The following MCRIP2 variants were observed in gnomAD, a reference collection of about 807,000 sequenced individuals.
The protein encoded by MCRIP2 is MAPK regulated corepressor interacting protein 2.
A neutral mutation model predicts 23.2 loss-of-function variants in MCRIP2; 21 were observed. The ratio of observed to expected loss-of-function variants is 0.90; its 90% CI spans 0.64 to 1.30. The LOEUF (loss-of-function observed/expected upper bound fraction) is 1.30. Among genes scored for constraint, MCRIP2 ranks in the 50% most tolerant of loss-of-function variants. The pLI is 0.00. For synonymous variants in MCRIP2, 121 were observed against 100.2 expected, an observed-to-expected ratio of 1.21 and a Z score of -1.24; for missense variants, 234 against 223.2, an observed-to-expected ratio of 1.05 and a Z score of -0.31.
Position 647,814 on chromosome 16 carries a change from T to G in MCRIP2, c.342T>G (p.Gly114=), listed in dbSNP as rs955870053. 1.3e-6 allele frequency: 2 copies of G among 1,575,852 alleles called. No individual in the cohort carries two copies. The highest frequency in any genetic ancestry group is 1.7e-6 in the Non-Finnish European group (2 of 1,161,594). Residue 114 remains glycine (G), a synonymous_variant, in exon 4 of 5, where the codon GGT becomes GGG. Coordinates refer to ENST00000307650, the MANE Select transcript of MCRIP2 (RefSeq NM_138418.4). ...AGCAGGTGCAACAGCAGCTGGATGG[T>G]GGCCCAGCCGGTGAGGGCGGGCCAA... ...AWQQVQQQLD[G]GPAGEGGPRP... is the part of the protein sequence containing the mutation.
chr16:642,030 G>A lies in MCRIP2; in HGVS notation c.39G>A (p.Ala13=), dbSNP rs2037353493. The part of the protein sequence containing the change: ...TITKGPSKLV[A]QRRTGPTQQQ... ...CCAAGGGGCCCAGCAAGCTGGTCGC[G>A]CAGCGCCGCACAGGTGCGCACGGGC... Residue 13 remains alanine (A), a synonymous_variant, in exon 1 of 5, where the codon GCG becomes GCA. Transcript: ENST00000307650. 8.3e-6 allele frequency: 11 copies of A among 1,322,934 alleles called. No individual in the cohort carries two copies. In the African/African-American group the frequency reaches 9.3e-5, roughly 11 times the overall value. 81.9% of individuals were successfully genotyped at this position (1,322,934 alleles called of 1,614,324 possible).
chr16:643,260 C>T (rs546667629), intron 2 of MCRIP2: 1 of 152,376 alleles, frequency 6.6e-6, no homozygotes, highest in East Asian at 1.9e-4. Context: ...TCCTCGTGGC[C>T]GCTCTACTTC....
chr16:642,208 G>T lies in MCRIP2; in HGVS notation c.141G>T (p.Ala47=). 1.5e-6 allele frequency: 2 copies of T among 1,293,508 alleles called. No homozygotes were observed. The highest frequency in any genetic ancestry group is 9.8e-7 in the Non-Finnish European group (1 of 1,020,178). The allele number at this position is 1,293,508 out of a possible 1,614,324, so 80.1% of individuals were successfully genotyped here. A position where few individuals can be genotyped will look rare whatever the true frequency, so the allele number is the denominator to read the frequency against. The change falls in exon 2 of 5, where the codon GCG becomes GCT. Residue 47 remains alanine (A), a synonymous_variant. Transcript: ENST00000307650. The part of the protein sequence containing the change: ...PAPPTSQPPR[A]QPFAQPPGPW... The stretch of plus-strand genomic sequence containing the variant: ...CGCCGACCTCGCAGCCCCCGCGGGC[G>T]CAGCCCTTTGCGCAGCCGCCGGGAC...
chr16:648,381 T>G lies in MCRIP2; in HGVS notation c.*191T>G, dbSNP rs2037563604. 6.2e-6 allele frequency: 4 copies of G among 640,492 alleles called. No individual in the cohort carries two copies. Among genetic ancestry groups the G allele is most frequent in the Non-Finnish European group, 8.3e-6 (3 of 360,498 alleles). 39.7% of individuals were successfully genotyped at this position (640,492 alleles called of 1,614,324 possible). On this transcript the variant is annotated 3_prime_UTR_variant, in exon 5 of 5. Transcript: ENST00000307650. ...GCCATGGCCAAGGGCCGAACCCGTC[T>G]GACCTCAGCCCTGCTCACTGTGCCC...
At chr16:644,026 A>G (rs2037415312) in intron 2 of MCRIP2, among the ~76,000 whole-genome samples, 1 of 150,976 alleles carries the variant, frequency 6.6e-6, no homozygotes, top group South Asian at 2.1e-4. Context: ...CAGCAGTGGG[A>G]TCTCTGCATG....
intron 2 of MCRIP2, among the ~76,000 whole-genome samples, chr16:644,829 C>T (rs942573426): frequency 6.6e-5 from 10 of 152,132 alleles, no homozygotes; most frequent in African/African-American, 2.2e-4. Context: ...GGTCCCTGCA[C>T]ATCTCCTGGT....
chr16:643,827 C>T lies in MCRIP2; in HGVS notation c.182+1578C>T, dbSNP rs545892621. On this transcript the variant is annotated intron_variant, in intron 2 of 4. Transcript: ENST00000307650. ...GATTACAAGTGTGAGCTACCGCGCCCGGCCTGTTTTCTTAAAGTCCCCATG... is the reference window on the plus strand; with the variant it reads ...GATTACAAGTGTGAGCTACCGCGCCTGGCCTGTTTTCTTAAAGTCCCCATG... 2.3e-4 allele frequency among the ~76,000 whole-genome samples: 35 copies of T among 152,252 alleles called. No individual in the cohort carries two copies. The South Asian group carries it at 6.2e-3, about 27-fold the overall frequency.
Position 641,974 on chromosome 16 carries a change from G to T in MCRIP2, c.-18G>T. 1.5e-6 allele frequency: 2 copies of T among 1,313,330 alleles called. No homozygotes were observed. Among genetic ancestry groups the T allele is most frequent in the Admixed American group, 4.0e-5 (1 of 25,042 alleles). The allele number at this position is 1,313,330 out of a possible 1,614,324, so 81.4% of individuals were successfully genotyped here. On this transcript the variant is annotated 5_prime_UTR_variant, in exon 1 of 5. Coordinates refer to ENST00000307650, the MANE Select transcript of MCRIP2 (RefSeq NM_138418.4). ...CGGATCTGGCCGGGGGCCGGCGGCG[G>T]TGTGGGAGCGGCGCGTCATGTACAC...
chr16:646,969 GA>G lies in MCRIP2; in HGVS notation c.183-447del. 2 of 162,738 alleles carry G rather than the reference GA, an allele frequency of 1.2e-5. No individual in the cohort carries two copies. The highest frequency in any genetic ancestry group is 2.7e-5 in the Non-Finnish European group (2 of 74,698). 10.1% of individuals were successfully genotyped at this position (162,738 alleles called of 1,614,324 possible). A position where few individuals can be genotyped will look rare whatever the true frequency, so the allele number is the denominator to read the frequency against. On this transcript the variant is annotated intron_variant, in intron 2 of 4. Transcript: ENST00000307650. This position sits in a 1 kb window ranked among gnomAD's most constrained non-coding sequence, Gnocchi z 6.5. ...GGAGATGGAGGTGCTTCTGTGGGGC[GA>G]GAATGTGGCCTAGAACTACACCCAG...
intron 2 of MCRIP2, among the ~76,000 whole-genome samples, chr16:643,700 A>G (rs2037407621): frequency 1.3e-5 from 2 of 151,830 alleles, no homozygotes; most frequent in Admixed American, 6.6e-5. Context: ...GCGTGCCACC[A>G]TGCCCGGCTA....
At chr16:645,628 G>A (rs1405598314) in intron 2 of MCRIP2, 3 of 152,374 alleles carry the variant, frequency 2.0e-5, no homozygotes, top group East Asian at 1.9e-4. Flanking sequence ...AAACTGAGGC[G>A]ATATAAGTAA....
At position 648,116 on chromosome 16, in the gene MCRIP2, A is replaced by G. The variant is rs2037551304; in HGVS notation, c.413-4A>G. The stretch of plus-strand genomic sequence containing the variant: ...CATCACTGCCCAGCCTTCTCTGCCC[A>G]CAGACTTTGTGCCCATTGACCTAGA... On this transcript the variant is annotated splice_polypyrimidine_tract_variant and splice_region_variant and intron_variant, in intron 4 of 4. Transcript: ENST00000307650. The G allele has an allele frequency of 3.1e-6, 5 of 1,599,042 alleles. No homozygotes were observed. Among genetic ancestry groups the G allele is most frequent in the Non-Finnish European group, 4.3e-6 (5 of 1,170,736 alleles).
In MCRIP2 at chr16:646,214, A is replaced by G. The variant is rs2037477712; in HGVS notation, c.183-1203A>G. On this transcript the variant is annotated intron_variant, in intron 2 of 4. Coordinates refer to ENST00000307650, the MANE Select transcript of MCRIP2 (RefSeq NM_138418.4). This position sits in a 1 kb window ranked among gnomAD's most constrained non-coding sequence, Gnocchi z 6.5. Reference sequence around the variant, plus strand: ...TGTTCTTGTCTTCTTAGACATTGATAATCCAACCTCCAAGCTTTCTTGGAG... The same window carrying G: ...TGTTCTTGTCTTCTTAGACATTGATGATCCAACCTCCAAGCTTTCTTGGAG... 6.6e-6 allele frequency: 1 copy of G among 152,202 alleles called. No individual in the cohort carries two copies. The highest frequency in any genetic ancestry group is 2.1e-4 in the South Asian group (1 of 4,834). The allele number at this position is 152,202 out of a possible 1,614,324, so 9.4% of individuals were successfully genotyped here.
At position 647,846 on chromosome 16, in the gene MCRIP2, T is replaced by G; in HGVS notation, c.374T>G (p.Val125Gly). The change falls in exon 4 of 5, where the codon GTG (valine) becomes GGG (glycine). Residue 125 changes from valine (V) to glycine (G), a missense_variant. Val to Gly is a moderately radical substitution (Grantham distance 109). Coordinates refer to ENST00000307650, the MANE Select transcript of MCRIP2 (RefSeq NM_138418.4). Reference sequence around the variant, plus strand: ...GCCGGTGAGGGCGGGCCAAGGCCTGTGCAGTACGTGGAGAGGACCCCCAAT... The same window carrying G: ...GCCGGTGAGGGCGGGCCAAGGCCTGGGCAGTACGTGGAGAGGACCCCCAAT... ...GPAGEGGPRP[V>G]QYVERTPNPR... The G allele has an allele frequency of 6.3e-7, 1 of 1,575,660 alleles. No homozygotes were observed. Among genetic ancestry groups the G allele is most frequent in the Non-Finnish European group, 8.6e-7 (1 of 1,161,238 alleles).
chr16:648,019 C>G (rs964966251), intron 4 of MCRIP2, 101 bp from the exon 5 acceptor site: 1 of 1,286,098 alleles, frequency 7.8e-7, no homozygotes, highest in Non-Finnish European at 1.1e-6. Flanking sequence ...CCAGCGCCTG[C>G]CGCACTCGGA....
At chr16:643,706 G>A (rs1371311067) in intron 2 of MCRIP2, among the ~76,000 whole-genome samples, 3 of 151,740 alleles carry the variant, frequency 2.0e-5, no homozygotes, top group Admixed American at 6.6e-5. Context: ...CACCATGCCC[G>A]GCTAATTTTA....
intron 2 of MCRIP2, chr16:642,844 G>T: frequency 6.6e-6 from 1 of 152,432 alleles, no homozygotes; most frequent in Non-Finnish European, 1.5e-5. Context: ...CCCAGAGGTT[G>T]GACAGCCCCG....
intron 2 of MCRIP2, chr16:647,006 T>G (rs1596453054): frequency 1.6e-5 from 3 of 187,770 alleles, no homozygotes; most frequent in South Asian, 1.1e-4. Context: ...AGTGGGGGGG[T>G]TGGGGCAGAG....
At chr16:642,390 G>A (rs2037370755) in intron 2 of MCRIP2, 141 bp downstream of exon 2, 1 of 817,112 alleles carries the variant, frequency 1.2e-6, no homozygotes, top group Non-Finnish European at 1.5e-6. Context: ...CGGGCGCGGG[G>A]GGTGCGCGGG....
Sources: gnomAD v4.1 joint callset for allele counts (sites outside exome capture counted in the v4.1 genomes callset) on GRCh38, gnomAD v4.1.1 for gene constraint, Gnocchi (gnomAD v3.1) non-coding constraint, MANE v1.5 for transcripts, NCBI Gene and HGNC (gene_info 2026-07-23, HGNC 2026-07-21) for gene names.